The following BCAR3 variants were observed in gnomAD, a reference collection of about 807,000 sequenced individuals.
BCAR3 encodes breast cancer anti-estrogen resistance protein 3.
BCAR3 carries 37 observed loss-of-function variants against 80.1 expected under a neutral mutation model. The ratio of observed to expected loss-of-function variants is 0.46; its 90% CI spans 0.36 to 0.61. The LOEUF is 0.61. Ranked by LOEUF, BCAR3 falls within the 20% of genes least tolerant of loss-of-function variation. The pLI is 0.00. For synonymous variants in BCAR3, 389 were observed against 418.9 expected (o/e 0.93, Z 0.87); for missense variants, 978 against 1,068.2 (o/e 0.92, Z 1.18).
chr1:93,835,940 C>T (rs546878007), intron 2 of BCAR3, among the ~76,000 whole-genome samples: 9 of 152,328 alleles, frequency 5.9e-5, no homozygotes, highest in South Asian at 2.1e-4. Flanking sequence ...CTATACAGTC[C>T]GGTAACGGAC....
intron 2 of BCAR3, among the ~76,000 whole-genome samples, chr1:93,786,408 A>G (rs1422153527): frequency 6.6e-6 from 1 of 152,128 alleles, no homozygotes; most frequent in African/African-American, 2.4e-5. Context: ...ATGTGAGTAA[A>G]CTATCTCGAA....
At chr1:93,831,105 G>A (rs1654547260) in intron 2 of BCAR3, among the ~76,000 whole-genome samples, 1 of 152,102 alleles carries the variant, frequency 6.6e-6, no homozygotes, top group Non-Finnish European at 1.5e-5. Context: ...CTGTGGGGAC[G>A]CCTGCCTGAT....
intron 2 of BCAR3, among the ~76,000 whole-genome samples, chr1:93,717,750 A>G (rs917662420): frequency 8.6e-5 from 13 of 151,626 alleles, no homozygotes; most frequent in African/African-American, 2.7e-4. Context: ...ATTGGAGATA[A>G]GAGAACTGTG....
In BCAR3 at chr1:93,768,462, C is replaced by T. The variant is rs529480971; in HGVS notation, c.-62-62320G>A. Among the ~76,000 whole-genome samples the T allele has an allele frequency of 3.3e-4, 51 of 152,274 alleles. 1 individual carries two copies. The highest frequency in any genetic ancestry group is 1.4e-3 in the Admixed American group (21 of 15,298). ...GGGCAAATCAGACAGGCACTAGCCG[C>T]TCAGCTGAGCTGGAAAAGTGTCTGT... On this transcript the variant is annotated intron_variant, in intron 2 of 13. Coordinates refer to the BCAR3 transcript ENST00000370244.
chr1:93,794,276 A>G (rs1653202309), intron 2 of BCAR3, among the ~76,000 whole-genome samples: 1 of 58,844 alleles, frequency 1.7e-5, no homozygotes. Flanking sequence ...CCCATTATTA[A>G]TGTGTGGGAG....
At chr1:93,637,407 G>A (rs1043510923) in intron 3 of BCAR3, among the ~76,000 whole-genome samples, 30 of 152,106 alleles carry the variant, frequency 2.0e-4, no homozygotes, top group African/African-American at 7.0e-4. Flanking sequence ...CACCCACCTC[G>A]GGCTCCCAAA....
At chr1:93,698,702 C>T (rs1649520180) in intron 3 of BCAR3, among the ~76,000 whole-genome samples, 1 of 152,252 alleles carries the variant, frequency 6.6e-6, no homozygotes, top group African/African-American at 2.4e-5. Context: ...GTGACTGCCA[C>T]TGTGCTCAGC....
chr1:93,732,291 G>T (rs1426593251), intron 2 of BCAR3, among the ~76,000 whole-genome samples: 5 of 152,160 alleles, frequency 3.3e-5, no homozygotes, highest in Non-Finnish European at 7.3e-5. Context: ...ACCAAGAGGT[G>T]GAGGGAGACA....
chr1:93,663,610 G>C (rs1647761342), intron 2 of BCAR3, among the ~76,000 whole-genome samples: 1 of 152,190 alleles, frequency 6.6e-6, no homozygotes, highest in African/African-American at 2.4e-5. Context: ...TGGAGAACAG[G>C]TGCTGCTAAG....
intron 1 of BCAR3, among the ~76,000 whole-genome samples, chr1:93,846,117 T>C (rs1052613711): frequency 1.3e-5 from 2 of 151,980 alleles, no homozygotes; most frequent in East Asian, 1.9e-4. Context: ...GTGGTGTGTA[T>C]GTACCCGCCC....
chr1:93,826,525 T>A (rs1475342426), intron 2 of BCAR3, among the ~76,000 whole-genome samples: 1 of 152,190 alleles, frequency 6.6e-6, no homozygotes, highest in African/African-American at 2.4e-5. Flanking sequence ...GCTTCATTCA[T>A]CCACGTATTC....
intron 3 of BCAR3, among the ~76,000 whole-genome samples, chr1:93,621,741 T>G (rs560973657): frequency 2.0e-5 from 3 of 152,280 alleles, no homozygotes; most frequent in South Asian, 4.1e-4. Flanking sequence ...AGCTACAAGT[T>G]TGACTCTCAA....
intron 3 of BCAR3, among the ~76,000 whole-genome samples, chr1:93,640,071 G>A (rs113513374): frequency 1.2e-4 from 19 of 152,140 alleles, no homozygotes; most frequent in African/African-American, 3.1e-4. Flanking sequence ...GTGCACAAGC[G>A]GATTGTAGAT....
upstream of BCAR3, chr1:93,847,934 G>T: frequency 4.1e-6 from 1 of 246,588 alleles, no homozygotes; most frequent in Non-Finnish European, 7.9e-6. Context: ...AAGGAAAAGC[G>T]ACACTGAAGC....
At chr1:93,708,574 A>G (rs1380844654) in intron 2 of BCAR3, among the ~76,000 whole-genome samples, 1 of 152,218 alleles carries the variant, frequency 6.6e-6, no homozygotes, top group Non-Finnish European at 1.5e-5. Context: ...CTTTGGGAGA[A>G]AATAAACATA....
At position 93,642,353 on chromosome 1, in the gene BCAR3, G is replaced by C. The variant is rs1397345862; in HGVS notation, c.318-10C>G. On this transcript the variant is annotated splice_polypyrimidine_tract_variant and intron_variant, in intron 2 of 11. Coordinates refer to ENST00000260502, the MANE Select transcript of BCAR3 (RefSeq NM_003567.4). The stretch of plus-strand genomic sequence containing the variant: ...CAGAAGATGTGGATCCCTGAAAAGA[G>C]AAAATATAAATATGAGAATGGTTGG... 1 of 1,610,386 alleles carries C rather than the reference G, an allele frequency of 6.2e-7. No homozygotes were observed. Among genetic ancestry groups the C allele is most frequent in the Non-Finnish European group, 8.5e-7 (1 of 1,176,618 alleles).
intron 2 of BCAR3, among the ~76,000 whole-genome samples, chr1:93,655,494 C>G (rs74741941): frequency 6.6e-6 from 1 of 152,004 alleles, no homozygotes; most frequent in Admixed American, 6.5e-5. Context: ...GTAAGGACAC[C>G]CACAGAATTC....
chr1:93,608,869 T>C (rs2101876110), intron 3 of BCAR3, among the ~76,000 whole-genome samples: 1 of 152,384 alleles, frequency 6.6e-6, no homozygotes, highest in East Asian at 1.9e-4. Context: ...GCTGAGTTAC[T>C]TGGAAAGACA....
chr1:93,567,863 G>A lies in BCAR3; in HGVS notation c.1975-12C>T. On this transcript the variant is annotated splice_polypyrimidine_tract_variant and intron_variant, in intron 9 of 11. Coordinates refer to ENST00000260502, the MANE Select transcript of BCAR3 (RefSeq NM_003567.4). ...TCTAACCTTGTGATCTGGAAGAAAG[G>A]TGGTGTTTTGGAAAAGGTTCTTTTT... 2 of 1,604,888 alleles carry A rather than the reference G, an allele frequency of 1.2e-6. No homozygotes were observed. Among genetic ancestry groups the A allele is most frequent in the Non-Finnish European group, 1.7e-6 (2 of 1,171,564 alleles).
Sources: gnomAD v4.1 joint callset for allele counts (sites outside exome capture counted in the v4.1 genomes callset) on GRCh38, gnomAD v4.1.1 for gene constraint, MANE v1.5 for transcripts, NCBI Gene and HGNC (gene_info 2026-07-23, HGNC 2026-07-21) for gene names.